Variants in SLC39A10 observed in about 807,000 individuals in gnomAD.
SLC39A10 encodes solute carrier family 39 member 10, also known as zinc transporter ZIP10.
In SLC39A10, 13 loss-of-function variants were observed where a neutral mutation model predicts 65.1. That is an observed-to-expected ratio of 0.20 (90% CI 0.13 to 0.32). The LOEUF is 0.32. Ranked by LOEUF, SLC39A10 falls within the 10% of genes least tolerant of loss-of-function variation. The pLI, the probability that SLC39A10 is intolerant of heterozygous loss-of-function variation, is 1.00. For missense variants in SLC39A10, 831 were observed against 1,018.4 expected, an observed-to-expected ratio of 0.82 and a Z score of 2.50; for synonymous variants, 321 against 342.2, an observed-to-expected ratio of 0.94 and a Z score of 0.68.
chr2:195,626,250 G>A (rs935744251), intron 2 of SLC39A10, among the ~76,000 whole-genome samples: 1 of 152,154 alleles, frequency 6.6e-6, no homozygotes, highest in Non-Finnish European at 1.5e-5. Context: ...TCTTAGTCTT[G>A]AGGAGATTAA....
chr2:195,671,864 T>G (rs1033915902), intron 1 of SLC39A10: 21 of 146,962 alleles, frequency 1.4e-4, no homozygotes, highest in African/African-American at 5.2e-4. Flanking sequence ...ACTTCCATTC[T>G]TTCTCTTTCC....
chr2:195,666,155 T>G (rs1322299693), intron 1 of SLC39A10, among the ~76,000 whole-genome samples: 1 of 152,194 alleles, frequency 6.6e-6, no homozygotes, highest in South Asian at 2.1e-4. Context: ...AAGAATTTTA[T>G]GTAGTTTTAA....
intron 1 of SLC39A10, among the ~76,000 whole-genome samples, chr2:195,664,435 T>C (rs893773168): frequency 3.9e-5 from 6 of 152,022 alleles, no homozygotes; most frequent in African/African-American, 1.4e-4. Context: ...GCAGCAGTCA[T>C]AGAAGAAATT....
At chr2:195,734,074 GA>G (rs1027047693) in intron 9 of SLC39A10, among the ~76,000 whole-genome samples, 1 of 148,030 alleles carries the variant, frequency 6.8e-6, no homozygotes, top group African/African-American at 2.5e-5. Context: ...TGAGCAGTGG[GA>G]AATAAGAATT....
intron 2 of SLC39A10, among the ~76,000 whole-genome samples, chr2:195,623,659 CTT>C (rs780295407): frequency 2.0e-5 from 3 of 152,098 alleles, no homozygotes. Context: ...CAAGAAAACA[CTT>C]TTTTGTTTTG....
intron 4 of SLC39A10, 143 bp from the exon 5 acceptor site, chr2:195,708,509 CTAAG>C (rs1435104479): frequency 3.5e-5 from 20 of 575,280 alleles, no homozygotes; most frequent in Middle Eastern, 4.7e-4. Flanking sequence ...AAATGGAAGA[CTAAG>C]TGAGATAATA....
At chr2:195,714,125 G>T (rs895500758) in intron 6 of SLC39A10, among the ~76,000 whole-genome samples, 1 of 152,024 alleles carries the variant, frequency 6.6e-6, no homozygotes, top group African/African-American at 2.4e-5. Context: ...TAGGGACGGG[G>T]TTTCACCGTG....
At chr2:195,619,840 C>G (rs1449751780) in intron 2 of SLC39A10, among the ~76,000 whole-genome samples, 1 of 152,144 alleles carries the variant, frequency 6.6e-6, no homozygotes, top group Non-Finnish European at 1.5e-5. Context: ...GCCTGCCAGT[C>G]CCAGCATACT....
chr2:195,715,813 T>A (rs1407441258), intron 6 of SLC39A10, among the ~76,000 whole-genome samples: 1 of 152,214 alleles, frequency 6.6e-6, no homozygotes, highest in African/African-American at 2.4e-5. Context: ...ATGCAATAAA[T>A]GCTTTTTATG....
chr2:195,712,714 C>T (rs1334461800), intron 5 of SLC39A10, among the ~76,000 whole-genome samples: 2 of 152,056 alleles, frequency 1.3e-5, no homozygotes, highest in African/African-American at 2.4e-5. Flanking sequence ...TGAAGACATA[C>T]AGTAAGAAAA....
intron 2 of SLC39A10, among the ~76,000 whole-genome samples, chr2:195,633,081 A>T (rs1469261065): frequency 2.6e-5 from 4 of 152,146 alleles, no homozygotes; most frequent in African/African-American, 4.8e-5. Context: ...AAAAAAAATA[A>T]TTTTTTCTAT....
At chr2:195,619,305 A>G (rs1014308881) in intron 2 of SLC39A10, among the ~76,000 whole-genome samples, 2 of 152,192 alleles carry the variant, frequency 1.3e-5, no homozygotes, top group Non-Finnish European at 2.9e-5. Flanking sequence ...TTGGAAACCA[A>G]TTAGCTATAG....
chr2:195,690,224 G>T (rs1320988894), intron 3 of SLC39A10, among the ~76,000 whole-genome samples: 1 of 146,238 alleles, frequency 6.8e-6, no homozygotes, highest in African/African-American at 2.5e-5. Context: ...CCTTTTTAAG[G>T]CTGAATAATA....
rs186967317 is a variant in SLC39A10, at chr2:195,621,253, A to T, written c.-12+15020A>T. 3.3e-3 allele frequency among the ~76,000 whole-genome samples: 510 copies of T among 152,334 alleles called. 4 individuals are homozygous for T. The highest frequency in any genetic ancestry group is 6.0e-3 in the Admixed American group (91 of 15,292). On this transcript the variant is annotated intron_variant, in intron 2 of 2. Coordinates refer to the SLC39A10 transcript ENST00000458054. ...GACAGGCAAAATTTGAATATACATT[A>T]TTTAGGTTGTTTATGTAGTACATAT...
Position 195,681,005 on chromosome 2 carries a change from A to G in SLC39A10, c.963A>G (p.Ile321Met), listed in dbSNP as rs1444701743. The change falls in exon 2 of 10, where the codon ATA (isoleucine) becomes ATG (methionine). Residue 321 changes from isoleucine (I) to methionine (M), a missense_variant. Physicochemically the swap from Ile to Met is conservative, Grantham distance 10. Around this residue, in one of 4 missense-constraint regions of SLC39A10, gnomAD observed 446 missense variants for 499.2 expected, o/e 0.89. Transcript: ENST00000359634. ...REAPHVKNNA[I>M]ISLRKDLNED... Reference sequence around the variant, plus strand: ...CACCACATGTTAAAAATAATGCAATAATTTCTTTGAGAAAAGATCTAAATG... The same window carrying G: ...CACCACATGTTAAAAATAATGCAATGATTTCTTTGAGAAAAGATCTAAATG... 1.2e-6 allele frequency: 2 copies of G among 1,612,908 alleles called. No individual in the cohort carries two copies. The highest frequency in any genetic ancestry group is 1.7e-6 in the Non-Finnish European group (2 of 1,179,332).
At chr2:195,674,034 A>G (rs1689980682) in intron 1 of SLC39A10, among the ~76,000 whole-genome samples, 1 of 152,162 alleles carries the variant, frequency 6.6e-6, no homozygotes, top group Admixed American at 6.5e-5. Flanking sequence ...CTACATGAAT[A>G]TATACCCCCA....
At position 195,699,561 on chromosome 2, in the gene SLC39A10, G is replaced by A. The variant is rs1241914270; in HGVS notation, c.1217-7055G>A. ...TTGATCCAGTTGTTAAGAATATGTT[G>A]TTTAATTTCTATGAATTTGTAAATT... On this transcript the variant is annotated intron_variant, in intron 3 of 9. Coordinates refer to ENST00000359634, the MANE Select transcript of SLC39A10 (RefSeq NM_020342.3). 3.9e-5 allele frequency among the ~76,000 whole-genome samples: 6 copies of A among 151,924 alleles called. No homozygotes were observed. In the East Asian group the frequency reaches 1.2e-3, roughly 29 times the overall value.
intron 2 of SLC39A10, among the ~76,000 whole-genome samples, chr2:195,624,336 G>A (rs1269083301): frequency 7.3e-6 from 1 of 136,716 alleles, no homozygotes; most frequent in East Asian, 2.3e-4. Context: ...ACCGTGAGCC[G>A]AAATCGTGCC....
chr2:195,734,945 A>G lies in SLC39A10; in HGVS notation c.2400A>G (p.Gln800=). The G allele has an allele frequency of 1.9e-6, 3 of 1,612,970 alleles. No individual in the cohort carries two copies. Among genetic ancestry groups the G allele is most frequent in the East Asian group, 2.2e-5 (1 of 44,636 alleles). Reference sequence around the variant, plus strand: ...AACATGGCTTTTGTCCTGTGGGGCAATTCATCCTTCAGAATTTAGGATTGC... The same window carrying G: ...AACATGGCTTTTGTCCTGTGGGGCAGTTCATCCTTCAGAATTTAGGATTGC... ...NEEHGFCPVG[Q]FILQNLGLLF... is the part of the protein sequence containing the mutation. The change falls in exon 10 of 10, where the codon CAA becomes CAG. Residue 800 remains glutamine, a synonymous_variant. Coordinates refer to ENST00000359634, the MANE Select transcript of SLC39A10 (RefSeq NM_020342.3).
Sources: allele counts gnomAD v4.1 joint callset (sites outside exome capture counted in the v4.1 genomes callset), GRCh38; gene constraint gnomAD v4.1.1; regional missense constraint gnomAD v4.1.1; transcripts MANE v1.5; gene names NCBI Gene and HGNC (gene_info 2026-07-23, HGNC 2026-07-21).